The following MRGPRX3 variants were observed in gnomAD, a reference collection of about 807,000 sequenced individuals.
MRGPRX3 encodes the protein mas-related G protein-coupled receptor member X3.
Under a neutral mutation model 16.5 loss-of-function variants are expected in MRGPRX3, and 14 were observed. The ratio of observed to expected loss-of-function variants is 0.85; its 90% CI spans 0.56 to 1.33. MRGPRX3 has a LOEUF of 1.33. MRGPRX3 is among the 40% of genes most tolerant of loss of function. The pLI is 0.00. For missense variants in MRGPRX3, 449 were observed against 413.0 expected, an observed-to-expected ratio of 1.09 and a Z score of -0.76; for synonymous variants, 199 against 180.1, an observed-to-expected ratio of 1.10 and a Z score of -0.84.
At position 18,136,228 on chromosome 11, in the gene MRGPRX3, A is replaced by G. The variant is rs193139783; in HGVS notation, c.-25-950A>G. Among the ~76,000 whole-genome samples, 248 of 152,278 alleles carry G rather than the reference A, an allele frequency of 1.6e-3. 1 individual carries two copies. Among genetic ancestry groups the G allele is most frequent in the African/African-American group, 5.8e-3 (239 of 41,540 alleles). ...CCCCCATACATATTCCCACACTTCA[A>G]TTACCTGCTGCAGTGGCACTCAGGC... On this transcript the variant is annotated intron_variant, in intron 1 of 1. Coordinates refer to ENST00000621697, the MANE Select transcript of MRGPRX3 (RefSeq NM_001370464.1).
upstream of MRGPRX3, among the ~76,000 whole-genome samples, chr11:18,131,443 C>T (rs1044165090): frequency 6.6e-6 from 1 of 152,128 alleles, no homozygotes; most frequent in African/African-American, 2.4e-5. Flanking sequence ...TGCTTAACAT[C>T]ACTAATGATT....
rs143976548 is a variant in MRGPRX3, at chr11:18,137,208, T to C, written c.6T>C (p.Asp2=). 134 of 1,588,382 alleles carry C rather than the reference T, an allele frequency of 8.4e-5. No individual in the cohort carries two copies. The African/African-American group carries it at 1.5e-3, about 18-fold the overall frequency. ...TCAGACTGGGGTTTCTGAGCATGGA[T>C]TCAACCATCCCAGTCTTGGGTACAG... is the stretch of plus-strand genomic sequence containing the variant. M[D]STIPVLGTEL... is the part of the protein sequence containing the mutation. Residue 2 remains aspartate, a synonymous_variant, in exon 2 of 2, where the codon GAT becomes GAC. Transcript: ENST00000621697.
upstream of MRGPRX3, among the ~76,000 whole-genome samples, chr11:18,128,927 C>A (rs1564880260): frequency 6.6e-6 from 1 of 152,184 alleles, no homozygotes; most frequent in African/African-American, 2.4e-5. Flanking sequence ...TGGCTCCACC[C>A]CCCTCCTGAA....
At position 18,138,249 on chromosome 11, in the gene MRGPRX3, C is replaced by G; in HGVS notation, c.*78C>G. On this transcript the variant is annotated 3_prime_UTR_variant, in exon 2 of 2. Coordinates refer to ENST00000621697, the MANE Select transcript of MRGPRX3 (RefSeq NM_001370464.1). ...ACCCTTGACAATTATATGCATTTTT[C>G]TTAGCCTTCTGCCTCAGAAATGTCT... 1 of 1,515,612 alleles carries G rather than the reference C, an allele frequency of 6.6e-7. No individual in the cohort carries two copies. Among genetic ancestry groups the G allele is most frequent in the Non-Finnish European group, 8.8e-7 (1 of 1,133,466 alleles). 93.9% of individuals were successfully genotyped at this position (1,515,612 alleles called of 1,614,324 possible).
chr11:18,124,219 C>A (rs971747631), intron 1 of MRGPRX3, among the ~76,000 whole-genome samples: 5 of 152,184 alleles, frequency 3.3e-5, no homozygotes, highest in Admixed American at 1.3e-4. Flanking sequence ...GAACTTCCAA[C>A]ACTATGTTGA....
In MRGPRX3 at chr11:18,125,869, C is replaced by G. The variant is rs531950565; in HGVS notation, c.-152+4705C>G. 2.2e-4 allele frequency among the ~76,000 whole-genome samples: 33 copies of G among 152,272 alleles called. 1 individual carries two copies. In the Middle Eastern group the frequency reaches 0.02, roughly 94 times the overall value. The stretch of plus-strand genomic sequence containing the variant: ...AGGACTTGCTTTATGAATCTGGGTG[C>G]TCCTGTATTGGGTGCATATATGTTT... On this transcript the variant is annotated intron_variant, in intron 1 of 2. Coordinates refer to the MRGPRX3 transcript ENST00000396275.
chr11:18,131,913 T>A (rs376545127), upstream of MRGPRX3, among the ~76,000 whole-genome samples: 4 of 151,904 alleles, frequency 2.6e-5, no homozygotes, highest in African/African-American at 9.7e-5. Context: ...AGGGGAAGGA[T>A]GGAAGAGAGG....
upstream of MRGPRX3, among the ~76,000 whole-genome samples, chr11:18,130,897 G>C (rs1848955362): frequency 6.6e-6 from 1 of 152,120 alleles, no homozygotes; most frequent in East Asian, 1.9e-4. Flanking sequence ...ATAGCCAACT[G>C]ATTTTTGACA....
At chr11:18,126,756 T>C (rs1848901261) in intron 1 of MRGPRX3, among the ~76,000 whole-genome samples, 1 of 152,128 alleles carries the variant, frequency 6.6e-6, no homozygotes, top group African/African-American at 2.4e-5. Flanking sequence ...GTTTTTTGTC[T>C]TTGCGATAGT....
chr11:18,125,433 C>T (rs1564879443), intron 1 of MRGPRX3, among the ~76,000 whole-genome samples: 1 of 152,150 alleles, frequency 6.6e-6, no homozygotes, highest in Non-Finnish European at 1.5e-5. Flanking sequence ...TTTCTGCCTT[C>T]ATTTCGTTAT....
At chr11:18,131,255 G>A (rs762372703), upstream of MRGPRX3, among the ~76,000 whole-genome samples, 5 of 152,034 alleles carry the variant, frequency 3.3e-5, no homozygotes, top group Non-Finnish European at 5.9e-5. Flanking sequence ...ACAACCCACC[G>A]AGTGAGAGAA....
intron 1 of MRGPRX3, among the ~76,000 whole-genome samples, chr11:18,124,262 G>A (rs567864496): frequency 2.0e-5 from 3 of 152,308 alleles, no homozygotes; most frequent in African/African-American, 7.2e-5. Flanking sequence ...TCCCTGTCTT[G>A]TGCCAGTTTT....
chr11:18,127,952 G>T (rs538909530), upstream of MRGPRX3, among the ~76,000 whole-genome samples: 1 of 152,194 alleles, frequency 6.6e-6, no homozygotes, highest in African/African-American at 2.4e-5. Flanking sequence ...GGGTTTTGGT[G>T]TGGATGTCCT....
intron 1 of MRGPRX3, among the ~76,000 whole-genome samples, chr11:18,133,007 T>C (rs1194574416): frequency 6.6e-6 from 1 of 152,226 alleles, no homozygotes; most frequent in African/African-American, 2.4e-5. Flanking sequence ...GACTGCTGCC[T>C]CTTACATTCA....
chr11:18,121,481 C>T (rs1223473880), intron 1 of MRGPRX3, among the ~76,000 whole-genome samples: 16 of 152,086 alleles, frequency 1.1e-4, no homozygotes, highest in African/African-American at 3.1e-4. Flanking sequence ...CCCGGCCAGC[C>T]GCCCCGTCTG....
At chr11:18,132,544 C>T (rs1231956991), upstream of MRGPRX3, 1 of 152,190 alleles carries the variant, frequency 6.6e-6, no homozygotes, top group Non-Finnish European at 1.5e-5. Context: ...GCCCATAGTC[C>T]TCATACAGGA....
intron 1 of MRGPRX3, among the ~76,000 whole-genome samples, chr11:18,123,476 T>C (rs1848860547): frequency 6.6e-6 from 1 of 152,220 alleles, no homozygotes; most frequent in South Asian, 2.1e-4. Flanking sequence ...TTTGTCAGGT[T>C]TGTCAAATAT....
rs1168915171 is a variant in MRGPRX3 at position 18,137,899 on chromosome 11, G to A, written c.697G>A (p.Gly233Ser). The change falls in exon 2 of 2, where the codon GGC becomes AGC. Residue 233 changes from glycine to serine, a missense_variant. Gly to Ser is a moderately conservative substitution (Grantham distance 56). Coordinates refer to ENST00000621697, the MANE Select transcript of MRGPRX3 (RefSeq NM_001370464.1). ...CTTCCTCCTCTGTGGCCTGCCCTTT[G>A]GCATTCAGTGGGCCCTGTTTTCCAG... ...LVFLLCGLPF[G>S]IQWALFSRIH... 2 of 1,614,046 alleles carry A rather than the reference G, an allele frequency of 1.2e-6. No homozygotes were observed. Among genetic ancestry groups the A allele is most frequent in the Admixed American group, 3.3e-5 (2 of 60,006 alleles).
At chr11:18,129,109 C>T (rs1484735632), upstream of MRGPRX3, among the ~76,000 whole-genome samples, 1 of 152,128 alleles carries the variant, frequency 6.6e-6, no homozygotes, top group African/African-American at 2.4e-5. Context: ...CACAAATAGA[C>T]AATCTGAAGT....
Sources: gnomAD v4.1 joint callset for allele counts (sites outside exome capture counted in the v4.1 genomes callset) on GRCh38, gnomAD v4.1.1 for gene constraint, MANE v1.5 for transcripts, NCBI Gene and HGNC (gene_info 2026-07-23, HGNC 2026-07-21) for gene names.